The following CDH23 variants were observed in gnomAD, a reference collection of about 807,000 sequenced individuals.
CDH23 encodes the protein cadherin related 23.
CDH23 carries 189 observed loss-of-function variants against 317.1 expected under a neutral mutation model. The observed-to-expected ratio is 0.60, with a 90% CI of 0.53 to 0.67. The LOEUF is 0.67. CDH23 is among the 30% of genes least tolerant of loss of function. The pLI is 0.00. For synonymous variants in CDH23, 1,839 were observed against 1,876.8 expected (o/e 0.98, Z 0.52); for missense variants, 4,401 against 4,592.4 (o/e 0.96, Z 1.20).
intron 1 of CDH23, among the ~76,000 whole-genome samples, chr10:71,400,971 G>GTATTT (rs1408854362): frequency 6.6e-6 from 1 of 152,058 alleles, no homozygotes; most frequent in Non-Finnish European, 1.5e-5. Context: ...TTTAAACATT[G>GTATTT]TATTTTATTT....
chr10:71,763,007 G>A (rs901398825), intron 38 of CDH23, among the ~76,000 whole-genome samples: 1 of 152,132 alleles, frequency 6.6e-6, no homozygotes, highest in Non-Finnish European at 1.5e-5. Flanking sequence ...CTATCTAACT[G>A]TATGAGCCTC....
rs116768502 is a variant in CDH23 at position 71,638,227 on chromosome 10, C to T, written c.1135-5634C>T. On this transcript the variant is annotated intron_variant, in intron 11 of 69. Transcript: ENST00000224721. Reference sequence around the variant, plus strand: ...TAAAGTCACACAGCTAGGAAGTGACCCAGCCTGTTCCTCAACGTTGAACTG... The same window carrying T: ...TAAAGTCACACAGCTAGGAAGTGACTCAGCCTGTTCCTCAACGTTGAACTG... Among the ~76,000 whole-genome samples, 1,252 of 152,186 alleles carry T rather than the reference C, an allele frequency of 8.2e-3. 24 individuals are homozygous for T. Among genetic ancestry groups the T allele is most frequent in the African/African-American group, 0.029 (1,200 of 41,514 alleles).
chr10:71,785,168 G>A, intron 43 of CDH23, 68 bp downstream of exon 43: 4 of 1,359,938 alleles, frequency 2.9e-6, no homozygotes, highest in Middle Eastern at 1.9e-4. Flanking sequence ...CTGCCCTAGA[G>A]GCTTTTCTGC....
chr10:71,807,973 C>T lies in CDH23; in HGVS notation c.8688C>T (p.Asn2896=), dbSNP rs1049719408. The T allele has an allele frequency of 1.4e-5, 23 of 1,597,346 alleles. No individual in the cohort carries two copies. Among genetic ancestry groups the T allele is most frequent in the Non-Finnish European group, 1.8e-5 (21 of 1,171,604 alleles). ...TCCACTACTTCCGGGCCCTTGCCAACGACTCTGAAGATGTGGGCCAGGTCT... is the reference window on the plus strand; with the variant it reads ...TCCACTACTTCCGGGCCCTTGCCAATGACTCTGAAGATGTGGGCCAGGTCT... The part of the protein sequence containing the change: ...LAIHYFRALA[N]DSEDVGQVFT... Residue 2896 remains asparagine (N), a synonymous_variant, in exon 60 of 70, where the codon AAC becomes AAT. Transcript: ENST00000224721.
chr10:71,778,298 C>G lies in CDH23; in HGVS notation c.5177C>G (p.Ser1726Cys). 1 of 1,613,986 alleles carries G rather than the reference C, an allele frequency of 6.2e-7. No individual in the cohort carries two copies. The highest frequency in any genetic ancestry group is 2.2e-5 in the East Asian group (1 of 44,882). The change falls in exon 40 of 70, where the codon TCT (serine) becomes TGT (cysteine). Residue 1726 changes from serine (S) to cysteine (C), a missense_variant. Around this residue, in one of 3 missense-constraint regions of CDH23, gnomAD observed 3,068 missense variants for 3,203.3 expected, o/e 0.96. Transcript: ENST00000224721. ...QCPILSHRLT[S>C]TTTVLVNVND... ...CCCATCTTATCCCACCGCCTCACCT[C>G]TACCACCACGGTGGGTGCATGGGAC...
Position 71,397,857 on chromosome 10 carries a change from G to T in CDH23, c.-6+539G>T, listed in dbSNP as rs1267516130. Among the ~76,000 whole-genome samples the T allele has an allele frequency of 1.3e-5, 2 of 152,148 alleles. No homozygotes were observed. The highest frequency in any genetic ancestry group is 1.3e-4 in the Admixed American group (2 of 15,278). ...CCTCATCAAGTCCCTGTGCCCGCGG[G>T]AGACCCCAGGGGACTTACACATCCT... On this transcript the variant is annotated intron_variant, in intron 1 of 69. Transcript: ENST00000224721. The surrounding 1 kb of genome is among the most constrained non-coding windows in gnomAD (Gnocchi z 4.8).
chr10:71,805,784 T>C (rs1467807337), intron 55 of CDH23, 22 bp from the exon 56 acceptor site: 1 of 1,601,044 alleles, frequency 6.2e-7, no homozygotes, highest in Non-Finnish European at 8.5e-7. Context: ...TCCAGGAGCC[T>C]TCCTCCCCAT....
In CDH23 at chr10:71,738,572, A is replaced by G. The variant is rs373247422; in HGVS notation, c.4284A>G (p.Ile1428Met). 7 of 1,613,754 alleles carry G rather than the reference A, an allele frequency of 4.3e-6. No homozygotes were observed. The highest frequency in any genetic ancestry group is 5.9e-6 in the Non-Finnish European group (7 of 1,179,904). Residue 1428 changes from isoleucine (I) to methionine (M), a missense_variant, in exon 35 of 70, where the codon ATA becomes ATG. This residue lies in a region of CDH23 where 3,068 missense variants were observed against 3,203.3 expected (regional missense o/e 0.96). Transcript: ENST00000224721. ...TCACCTCCGACTCGGCGGTCAGCATACCCGAGGACTGCCCTGTGGGCCAGC... is the reference window on the plus strand; with the variant it reads ...TCACCTCCGACTCGGCGGTCAGCATGCCCGAGGACTGCCCTGTGGGCCAGC... ...FDFTSDSAVS[I>M]PEDCPVGQRV...
chr10:71,785,036 A>G lies in CDH23; in HGVS notation c.5648A>G (p.Asn1883Ser), dbSNP rs1841062657. 6.2e-7 allele frequency: 1 copy of G among 1,614,062 alleles called. No individual in the cohort carries two copies. The highest frequency in any genetic ancestry group is 8.5e-7 in the Non-Finnish European group (1 of 1,179,902). ...GCCAGTGACGCTGACAGTGGCTGCA[A>G]TGCACGCCTCACCTTCAACATCACT... ...VLASDADSGCNARLTFNITAG... is the reference protein window; with the variant it reads ...VLASDADSGCSARLTFNITAG... Residue 1883 changes from asparagine to serine, a missense_variant, in exon 43 of 70, where the codon AAT becomes AGT. Asn to Ser is a conservative substitution (Grantham distance 46). Transcript: ENST00000224721.
At position 71,799,398 on chromosome 10, in the gene CDH23, G is replaced by A. The variant is rs972951695; in HGVS notation, c.7225-94G>A. 2.5e-6 allele frequency: 4 copies of A among 1,602,852 alleles called. No homozygotes were observed. In the African/African-American group the frequency reaches 4.0e-5, roughly 16 times the overall value. On this transcript the variant is annotated intron_variant, in intron 51 of 69. Coordinates refer to ENST00000224721, the MANE Select transcript of CDH23 (RefSeq NM_022124.6). ...CCCCCTGGGAGTGCCCAGCCCACGA[G>A]CAGCTTGATGCCTGCATCAGTGAGT... is the stretch of plus-strand genomic sequence containing the variant.
chr10:71,660,129 T>G (rs60641292), intron 14 of CDH23, among the ~76,000 whole-genome samples: 193 of 152,082 alleles, frequency 1.3e-3, no homozygotes, highest in African/African-American at 4.5e-3. Flanking sequence ...CCCAGCTAAT[T>G]TTTGTATTTT....
rs764695323 is a variant in CDH23 at position 71,713,220 on chromosome 10, C to G, written c.3369+407C>G. ...CACAGAGCCCTTGGCCGAGGCTCCC[C>G]TCTTGGGAAGTAAACAGGCACAAGA... On this transcript the variant is annotated intron_variant, in intron 28 of 69. Transcript: ENST00000224721. 9 of 779,074 alleles carry G rather than the reference C, an allele frequency of 1.2e-5. No individual in the cohort carries two copies. In the East Asian group the frequency reaches 1.7e-4, roughly 15 times the overall value. The allele number at this position is 779,074 out of a possible 1,614,324, so 48.3% of individuals were successfully genotyped here.
At chr10:71,651,399 G>A (rs571542486) in intron 14 of CDH23, among the ~76,000 whole-genome samples, 12 of 151,218 alleles carry the variant, frequency 7.9e-5, no homozygotes, top group Admixed American at 2.0e-4. Context: ...CAGCTGTGGT[G>A]GCATACACCT....
intron 1 of CDH23, among the ~76,000 whole-genome samples, chr10:71,414,456 T>C (rs1848457222): frequency 6.6e-6 from 1 of 152,246 alleles, no homozygotes; most frequent in South Asian, 2.1e-4. Flanking sequence ...TGTGGTAAAT[T>C]ACACTGGTTG....
At chr10:71,548,022 G>A (rs1451385181) in intron 6 of CDH23, among the ~76,000 whole-genome samples, 1 of 152,236 alleles carries the variant, frequency 6.6e-6, no homozygotes, top group Admixed American at 6.5e-5. Context: ...AGCCTGCCTG[G>A]AGCCTGTCAG....
At chr10:71,802,611 G>T (rs1477680772) in intron 53 of CDH23, among the ~76,000 whole-genome samples, 1 of 152,192 alleles carries the variant, frequency 6.6e-6, no homozygotes, top group Non-Finnish European at 1.5e-5. Flanking sequence ...AGGGGTTTCT[G>T]CTTCAGGGCC....
chr10:71,682,302 T>G, intron 17 of CDH23, 143 bp from the exon 18 acceptor site: 1 of 1,057,006 alleles, frequency 9.5e-7, no homozygotes, highest in South Asian at 1.6e-5. Context: ...AGTCGAGATG[T>G]TGAGGCTCCA....
At chr10:71,524,846 A>G (rs11816051) in intron 6 of CDH23, among the ~76,000 whole-genome samples, 13,524 of 152,190 alleles carry the variant, frequency 0.089, 690 homozygotes, top group South Asian at 0.15. Flanking sequence ...GAAAAAGGGA[A>G]GGAAACAGAT....
intron 38 of CDH23, among the ~76,000 whole-genome samples, chr10:71,752,799 C>A (rs187991087): frequency 3.9e-5 from 6 of 152,116 alleles, no homozygotes; most frequent in Non-Finnish European, 2.9e-5. Context: ...CCTGCTGAGT[C>A]GGGGTGGCAG....
Sources: allele counts gnomAD v4.1 joint callset (sites outside exome capture counted in the v4.1 genomes callset), GRCh38; gene constraint gnomAD v4.1.1; regional missense constraint gnomAD v4.1.1; non-coding constraint Gnocchi (gnomAD v3.1); transcripts MANE v1.5; gene names NCBI Gene and HGNC (gene_info 2026-07-23, HGNC 2026-07-21).